Variants in GYG1 observed in about 807,000 individuals in gnomAD.
The protein encoded by GYG1 is glycogenin 1.
Under a neutral mutation model 41.9 loss-of-function variants are expected in GYG1, and 44 were observed. That is an observed-to-expected ratio of 1.05 (90% CI 0.83 to 1.35). The LOEUF (loss-of-function observed/expected upper bound fraction) is 1.35. Among genes scored for constraint, GYG1 ranks in the 40% most tolerant of loss-of-function variants. GYG1 has a pLI of 0.00. For synonymous variants in GYG1, 141 were observed against 158.1 expected (o/e 0.89, Z 0.81); for missense variants, 429 against 418.9 (o/e 1.02, Z -0.21).
chr3:149,010,877 G>A (rs1274041173), intron 5 of GYG1, among the ~76,000 whole-genome samples: 1 of 152,092 alleles, frequency 6.6e-6, no homozygotes. Flanking sequence ...AAAACAAAGG[G>A]CCTTTCACTC....
intron 5 of GYG1, among the ~76,000 whole-genome samples, chr3:149,011,607 C>T (rs145735282): frequency 1.3e-5 from 2 of 152,270 alleles, no homozygotes; most frequent in East Asian, 3.9e-4. Context: ...GCAGGTGGAG[C>T]AGAGTTAAGT....
chr3:149,006,856 A>G (rs1212978813), intron 4 of GYG1, among the ~76,000 whole-genome samples: 2 of 152,222 alleles, frequency 1.3e-5, no homozygotes, highest in Non-Finnish European at 2.9e-5. Context: ...TAAGCCTTTA[A>G]TGAATGGCAT....
At chr3:149,002,533 C>T (rs79357093) in intron 4 of GYG1, among the ~76,000 whole-genome samples, 2,997 of 152,156 alleles carry the variant, frequency 0.02, 103 homozygotes, top group African/African-American at 0.068. Context: ...AGTGAGATGC[C>T]GTGATGCTGG....
chr3:149,030,906 T>G lies in GYG1; in HGVS notation c.*3973T>G, dbSNP rs1019613546. 3 of 152,198 alleles carry G rather than the reference T, an allele frequency of 2.0e-5. No individual in the cohort carries two copies. Among genetic ancestry groups the G allele is most frequent in the African/African-American group, 2.4e-5 (1 of 41,442 alleles). The allele number at this position is 152,198 out of a possible 1,614,324, so 9.4% of individuals were successfully genotyped here. A position where few individuals can be genotyped will look rare whatever the true frequency, so the allele number is the denominator to read the frequency against. On this transcript the variant is annotated 3_prime_UTR_variant, in exon 8 of 8. Transcript: ENST00000345003. ...CAATGTGTGCCCTATAACACAACATTGTCTCCGATCTCATCTTTCTATCAA... is the reference window on the plus strand; with the variant it reads ...CAATGTGTGCCCTATAACACAACATGGTCTCCGATCTCATCTTTCTATCAA...
intron 5 of GYG1, among the ~76,000 whole-genome samples, chr3:149,018,342 T>G (rs1397592732): frequency 6.6e-6 from 1 of 152,218 alleles, no homozygotes; most frequent in Non-Finnish European, 1.5e-5. Context: ...GTTCCTTTGC[T>G]GTGTAAATAA....
rs866464018 is a variant in GYG1, at chr3:149,020,804, A to G, written c.609-3249A>G. ...TTAGCAGTTAAAACAAGAGGATCAAACAGTTTAATACAAGAGGATCTAAGT... is the reference window on the plus strand; with the variant it reads ...TTAGCAGTTAAAACAAGAGGATCAAGCAGTTTAATACAAGAGGATCTAAGT... On this transcript the variant is annotated intron_variant, in intron 5 of 7. Coordinates refer to ENST00000345003, the MANE Select transcript of GYG1 (RefSeq NM_004130.4). Among the ~76,000 whole-genome samples, 5 of 152,242 alleles carry G rather than the reference A, an allele frequency of 3.3e-5. No individual in the cohort carries two copies. The South Asian group carries it at 1.0e-3, about 32-fold the overall frequency.
At chr3:149,015,936 C>T (rs1281282689) in intron 5 of GYG1, among the ~76,000 whole-genome samples, 1 of 151,940 alleles carries the variant, frequency 6.6e-6, no homozygotes, top group Non-Finnish European at 1.5e-5. Context: ...GGGATGGCAC[C>T]TAGAACACAA....
intron 5 of GYG1, among the ~76,000 whole-genome samples, chr3:149,013,030 TG>T (rs1713821834): frequency 6.6e-6 from 1 of 151,646 alleles, no homozygotes; most frequent in Non-Finnish European, 1.5e-5. Flanking sequence ...TGTGTGTGTG[TG>T]TTTTATAGAG....
At chr3:148,993,673 G>T (rs1487599369) in intron 1 of GYG1, among the ~76,000 whole-genome samples, 1 of 152,140 alleles carries the variant, frequency 6.6e-6, no homozygotes, top group Non-Finnish European at 1.5e-5. Flanking sequence ...CATTCCTGAG[G>T]CATGGCATAA....
chr3:148,997,737 A>G (rs921839985), intron 4 of GYG1, among the ~76,000 whole-genome samples: 3 of 152,252 alleles, frequency 2.0e-5, no homozygotes, highest in Non-Finnish European at 4.4e-5. Flanking sequence ...AATAGAGAAG[A>G]AGGAGGACAT....
intron 1 of GYG1, among the ~76,000 whole-genome samples, 159 bp from the exon 2 acceptor site, chr3:148,993,983 C>G (rs1293484489): frequency 6.6e-6 from 1 of 152,032 alleles, no homozygotes. Context: ...GAAGTGGGCA[C>G]TTGGGGTTTT....
chr3:149,021,927 T>G (rs1461961602), intron 5 of GYG1, among the ~76,000 whole-genome samples: 2 of 152,196 alleles, frequency 1.3e-5, no homozygotes, highest in Non-Finnish European at 2.9e-5. Flanking sequence ...TTACTTTTCT[T>G]TCCCTACTCA....
chr3:149,015,156 G>GC (rs1713951061), intron 5 of GYG1, among the ~76,000 whole-genome samples: 2 of 152,162 alleles, frequency 1.3e-5, no homozygotes, highest in Admixed American at 1.3e-4. Context: ...CATGGGGGAA[G>GC]CAAGTTCGTA....
At chr3:149,003,030 TAGA>T (rs1713182465) in intron 4 of GYG1, among the ~76,000 whole-genome samples, 1 of 151,508 alleles carries the variant, frequency 6.6e-6, no homozygotes, top group African/African-American at 2.4e-5. Flanking sequence ...AAATAAATAA[TAGA>T]TAGATAGATA....
At chr3:149,007,261 G>C (rs182785213) in intron 4 of GYG1, among the ~76,000 whole-genome samples, 301 of 152,320 alleles carry the variant, frequency 2.0e-3, no homozygotes, top group African/African-American at 6.9e-3. Flanking sequence ...CCCCACTCCA[G>C]ATACCATCAA....
intron 4 of GYG1, among the ~76,000 whole-genome samples, chr3:149,004,948 A>G (rs1259049297): frequency 1.3e-5 from 2 of 152,226 alleles, no homozygotes; most frequent in Admixed American, 6.5e-5. Context: ...TTGAGGGATC[A>G]GCAGCTCTGA....
At chr3:149,013,063 C>A (rs922453759) in intron 5 of GYG1, among the ~76,000 whole-genome samples, 1 of 150,252 alleles carries the variant, frequency 6.7e-6, no homozygotes, top group African/African-American at 2.5e-5. Flanking sequence ...CCATGTTGCC[C>A]AGACTGGTCT....
In GYG1 at chr3:148,996,366, G is replaced by T; in HGVS notation, c.208G>T (p.Ala70Ser). 1.2e-6 allele frequency: 2 copies of T among 1,611,884 alleles called. No individual in the cohort carries two copies. Among genetic ancestry groups the T allele is most frequent in the South Asian group, 1.1e-5 (1 of 91,006 alleles). The change falls in exon 3 of 8, where the codon GCT becomes TCT. Residue 70 changes from alanine (A) to serine (S), a missense_variant. Physicochemically the swap from Ala to Ser is moderately conservative, Grantham distance 99. Transcript: ENST00000345003. ...MVDVLDSGDS[A>S]HLTLMKRPEL... Reference sequence around the variant, plus strand: ...AGATGTCTTGGACAGTGGCGATTCTGCTCATCTAACCTTAATGAAGAGGCC... The same window carrying T: ...AGATGTCTTGGACAGTGGCGATTCTTCTCATCTAACCTTAATGAAGAGGCC...
intron 5 of GYG1, among the ~76,000 whole-genome samples, chr3:149,014,682 C>T (rs1713919678): frequency 6.7e-6 from 1 of 148,944 alleles, no homozygotes; most frequent in South Asian, 2.2e-4. Flanking sequence ...CCTGACACTA[C>T]TAAAAAAAAA....
Sources: gnomAD v4.1 joint callset for allele counts (sites outside exome capture counted in the v4.1 genomes callset) on GRCh38, gnomAD v4.1.1 for gene constraint, MANE v1.5 for transcripts, NCBI Gene and HGNC (gene_info 2026-07-23, HGNC 2026-07-21) for gene names.